The following NXPE2 variants were observed in gnomAD, a reference collection of about 807,000 sequenced individuals.
The protein encoded by NXPE2 is neurexophilin and PC-esterase domain family member 2.
Under a neutral mutation model 34.4 loss-of-function variants are expected in NXPE2, and 34 were observed. The observed-to-expected ratio is 0.99, with a 90% CI of 0.75 to 1.31. The LOEUF (loss-of-function observed/expected upper bound fraction) is 1.31. Among genes scored for constraint, NXPE2 ranks in the 40% most tolerant of loss-of-function variants. The probability of loss-of-function intolerance (pLI) is 0.00; values close to 1 mark genes in which losing one functional copy is unlikely to be tolerated. For missense variants in NXPE2, 649 were observed against 672.5 expected, an observed-to-expected ratio of 0.97 and a Z score of 0.39; for synonymous variants, 235 against 231.3, an observed-to-expected ratio of 1.02 and a Z score of -0.15.
At chr11:114,649,530 G>A in the NXPE2 span, among the ~76,000 whole-genome samples, 1 of 152,186 alleles carries the variant, frequency 6.6e-6, no homozygotes, top group Non-Finnish European at 1.5e-5. Flanking sequence ...GCCAGAAAAG[G>A]CAAAGCTATA....
chr11:114,658,367 G>T, the NXPE2 span, among the ~76,000 whole-genome samples: 1 of 152,174 alleles, frequency 6.6e-6, no homozygotes, highest in Non-Finnish European at 1.5e-5. Flanking sequence ...ATTTCCGGGA[G>T]CACAGACGTA....
chr11:114,580,733 A>G, the NXPE2 span, among the ~76,000 whole-genome samples: 25 of 152,224 alleles, frequency 1.6e-4, no homozygotes, highest in Non-Finnish European at 3.4e-4. Context: ...CTTAAATGAC[A>G]CCATCAAAAT....
chr11:114,585,076 C>G, the NXPE2 span, among the ~76,000 whole-genome samples: 1 of 152,028 alleles, frequency 6.6e-6, no homozygotes, highest in Admixed American at 6.5e-5. Context: ...TTGCCCTGTT[C>G]TTTTCAGCTC....
the NXPE2 span, among the ~76,000 whole-genome samples, chr11:114,730,317 T>C: frequency 1.3e-5 from 2 of 152,140 alleles, no homozygotes; most frequent in Non-Finnish European, 2.9e-5. Context: ...TATATGATAG[T>C]TGGAAGTCGG....
the NXPE2 span, among the ~76,000 whole-genome samples, chr11:114,668,965 G>A: frequency 6.6e-6 from 1 of 152,082 alleles, no homozygotes; most frequent in Non-Finnish European, 1.5e-5. Flanking sequence ...ATTTTAACTT[G>A]GGGCTGCTCC....
chr11:114,779,896 T>C, the NXPE2 span, among the ~76,000 whole-genome samples: 88 of 151,598 alleles, frequency 5.8e-4, no homozygotes, highest in African/African-American at 2.1e-3. Flanking sequence ...AAAGAAGGAG[T>C]CTTCTCCCCT....
the NXPE2 span, chr11:114,530,177 G>A: frequency 6.3e-7 from 1 of 1,599,850 alleles, no homozygotes; most frequent in Non-Finnish European, 8.5e-7. Flanking sequence ...ATACTCACCT[G>A]TGGAAAAGGC....
the NXPE2 span, chr11:114,571,362 C>A: frequency 4.3e-6 from 7 of 1,613,862 alleles, no homozygotes; most frequent in South Asian, 1.1e-5. Context: ...GGTCATTGAT[C>A]CTATCAAGGG....
the NXPE2 span, among the ~76,000 whole-genome samples, chr11:114,761,840 C>T: frequency 6.6e-6 from 1 of 152,028 alleles, no homozygotes. Context: ...TCCCAAAGTG[C>T]TGGGATTACA....
the NXPE2 span, among the ~76,000 whole-genome samples, chr11:114,780,506 CTT>C: frequency 1.3e-4 from 20 of 152,304 alleles, no homozygotes; most frequent in Middle Eastern, 0.01. Context: ...CCTTTAGTAA[CTT>C]TAATTCTGCT....
chr11:114,497,565 G>A, the NXPE2 span, among the ~76,000 whole-genome samples: 12 of 152,226 alleles, frequency 7.9e-5, no homozygotes, highest in East Asian at 1.5e-3. Context: ...TATTCAATAC[G>A]ATAAATGCTG....
the NXPE2 span, among the ~76,000 whole-genome samples, chr11:114,669,093 A>C: frequency 6.6e-6 from 1 of 152,060 alleles, no homozygotes; most frequent in Non-Finnish European, 1.5e-5. Context: ...GAATGATTTC[A>C]AAAACAATAG....
the NXPE2 span, among the ~76,000 whole-genome samples, chr11:114,799,576 G>A: frequency 1.3e-5 from 2 of 152,206 alleles, no homozygotes; most frequent in Non-Finnish European, 1.5e-5. Context: ...CAGTCAGCCC[G>A]ACAAGGAGAC....
At chr11:114,553,200 A>G in the NXPE2 span, among the ~76,000 whole-genome samples, 1 of 152,178 alleles carries the variant, frequency 6.6e-6, no homozygotes, top group African/African-American at 2.4e-5. Context: ...ATAGTCTCGT[A>G]TGCATATCTT....
At chr11:114,718,772 G>C in the NXPE2 span, among the ~76,000 whole-genome samples, 1 of 152,176 alleles carries the variant, frequency 6.6e-6, no homozygotes, top group Non-Finnish European at 1.5e-5. Context: ...GTTTGAGGCA[G>C]AGAGAGGGAG....
the NXPE2 span, among the ~76,000 whole-genome samples, chr11:114,740,671 C>T: frequency 6.6e-6 from 1 of 152,120 alleles, no homozygotes. Flanking sequence ...TTTGCATATC[C>T]TGTTAGGTCC....
the NXPE2 span, among the ~76,000 whole-genome samples, chr11:114,603,032 C>G: frequency 6.6e-6 from 1 of 150,900 alleles, no homozygotes; most frequent in Non-Finnish European, 1.5e-5. Flanking sequence ...ATATATAATA[C>G]GGAACCGTAT....
chr11:114,523,695 C>T, the NXPE2 span, among the ~76,000 whole-genome samples: 2 of 152,158 alleles, frequency 1.3e-5, no homozygotes, highest in Non-Finnish European at 2.9e-5. Flanking sequence ...GCTCTGTTTG[C>T]ACATGGTCTG....
the NXPE2 span, among the ~76,000 whole-genome samples, chr11:114,549,963 A>G: frequency 6.6e-6 from 1 of 152,214 alleles, no homozygotes; most frequent in South Asian, 2.1e-4. Flanking sequence ...TGACAATCCA[A>G]TATATGGCAG....
Sources: gnomAD v4.1 joint callset for allele counts (sites outside exome capture counted in the v4.1 genomes callset) on GRCh38, gnomAD v4.1.1 for gene constraint, MANE v1.5 for transcripts, NCBI Gene and HGNC (gene_info 2026-07-23, HGNC 2026-07-21) for gene names.